SLC2A14: variants seen among roughly 807,000 people sequenced by gnomAD.
The protein encoded by SLC2A14 is solute carrier family 2 member 14.
A neutral mutation model predicts 43.0 loss-of-function variants in SLC2A14; 13 were observed. That is an observed-to-expected ratio of 0.30 (90% CI 0.20 to 0.48). The LOEUF is 0.48. SLC2A14 is among the 20% of genes least tolerant of loss of function. The probability of loss-of-function intolerance (pLI) is 0.99; values close to 1 mark genes in which losing one functional copy is unlikely to be tolerated. For synonymous variants in SLC2A14, 190 were observed against 233.8 expected, an observed-to-expected ratio of 0.81 and a Z score of 1.71; for missense variants, 428 against 620.4, an observed-to-expected ratio of 0.69 and a Z score of 3.29.
At chr12:7,828,092 G>A (rs147424931) in intron 6 of SLC2A14, among the ~76,000 whole-genome samples, 133 of 151,974 alleles carry the variant, frequency 8.8e-4, no homozygotes, top group African/African-American at 2.8e-3. Flanking sequence ...GGTTGGGCGC[G>A]GTGGCTCACA....
At chr12:7,856,633 G>T (rs769520355) in intron 2 of SLC2A14, among the ~76,000 whole-genome samples, 5 of 152,080 alleles carry the variant, frequency 3.3e-5, no homozygotes, top group East Asian at 1.9e-4. Context: ...ACTATTGACG[G>T]CATCGATGGA....
chr12:7,864,852 G>A (rs1049976510), intron 2 of SLC2A14, among the ~76,000 whole-genome samples: 3 of 152,072 alleles, frequency 2.0e-5, no homozygotes, highest in African/African-American at 7.2e-5. Flanking sequence ...ATTTTCATAT[G>A]CCTTTCCCTC....
chr12:7,816,206 G>A lies in SLC2A14; in HGVS notation c.1275+1625C>T, dbSNP rs1388763772. Among the ~76,000 whole-genome samples, 25 of 109,818 alleles carry A rather than the reference G, an allele frequency of 2.3e-4. 5 individuals are homozygous for A. Among genetic ancestry groups the A allele is most frequent in the Admixed American group, 3.2e-4 (3 of 9,328 alleles). The allele number at this position is 109,818 out of a possible 152,430, so 72.0% of individuals were successfully genotyped here. A position where few individuals can be genotyped will look rare whatever the true frequency, so the allele number is the denominator to read the frequency against. ...TGCAAGCTCCGCTTCCCGGGTTCAC[G>A]CCATTCTCCTGCCTCAGCCTCCCGA... On this transcript the variant is annotated intron_variant, in intron 10 of 10. Coordinates refer to ENST00000431042, the MANE Select transcript of SLC2A14 (RefSeq NM_001286234.2).
At chr12:7,888,797 C>CAAAAAAAA (rs138233883) in intron 1 of SLC2A14, among the ~76,000 whole-genome samples, 4 of 104,334 alleles carry the variant, frequency 3.8e-5, no homozygotes, top group Admixed American at 1.2e-4. Flanking sequence ...GACTCCGTCT[C>CAAAAAAAA]AAAAAAAAAA....
intron 2 of SLC2A14, among the ~76,000 whole-genome samples, chr12:7,848,046 C>A (rs1235291429): frequency 2.6e-5 from 4 of 152,086 alleles, no homozygotes; most frequent in African/African-American, 9.7e-5. Flanking sequence ...GGTCAGATGA[C>A]AAACCCAATT....
At chr12:7,873,931 C>T (rs1945362543), upstream of SLC2A14, among the ~76,000 whole-genome samples, 1 of 152,038 alleles carries the variant, frequency 6.6e-6, no homozygotes, top group Non-Finnish European at 1.5e-5. Flanking sequence ...ACAGCATGGC[C>T]TTCAGTACAG....
Position 7,830,666 on chromosome 12 carries a change from C to T in SLC2A14, c.273-660G>A, listed in dbSNP as rs115882879. ...CAGAGGGAGGGCAGAGGGGGAAGAA[C>T]ATTAGCAAGTAAAATAGGTTGCCTT... On this transcript the variant is annotated intron_variant, in intron 4 of 10. Coordinates refer to ENST00000431042, the MANE Select transcript of SLC2A14 (RefSeq NM_001286234.2). Among the ~76,000 whole-genome samples the T allele has an allele frequency of 1.7e-3, 265 of 152,032 alleles. 3 individuals carry two copies. The highest frequency in any genetic ancestry group is 6.1e-3 in the African/African-American group (252 of 41,480).
intron 2 of SLC2A14, among the ~76,000 whole-genome samples, chr12:7,854,443 T>C (rs1867187241): frequency 2.0e-5 from 3 of 152,132 alleles, no homozygotes; most frequent in Non-Finnish European, 4.4e-5. Flanking sequence ...ACTGAAGTAG[T>C]CTCCTAATGA....
chr12:7,845,425 T>C lies in SLC2A14; in HGVS notation c.19-12611A>G, dbSNP rs1192016038. 3.3e-5 allele frequency among the ~76,000 whole-genome samples: 5 copies of C among 152,138 alleles called. No homozygotes were observed. The East Asian group carries it at 9.6e-4, about 29-fold the overall frequency. On this transcript the variant is annotated intron_variant, in intron 2 of 10. Coordinates refer to ENST00000431042, the MANE Select transcript of SLC2A14 (RefSeq NM_001286234.2). ...TGACTTCGGAAATCATCTAGACTAGTGCTACTCAAATTGTGGTCCGGGGAC... is the reference window on the plus strand; with the variant it reads ...TGACTTCGGAAATCATCTAGACTAGCGCTACTCAAATTGTGGTCCGGGGAC...
chr12:7,862,851 G>C lies in SLC2A14; in HGVS notation c.18+7012C>G, dbSNP rs1372740313. On this transcript the variant is annotated intron_variant, in intron 2 of 10. Coordinates refer to ENST00000431042, the MANE Select transcript of SLC2A14 (RefSeq NM_001286234.2). ...TGGAGAATCTGTGTGTGGAAACTCT[G>C]TATCTAACTAATCTGATGGGCACGT... is the stretch of plus-strand genomic sequence containing the variant. 2.6e-5 allele frequency among the ~76,000 whole-genome samples: 4 copies of C among 152,188 alleles called. No homozygotes were observed. In the East Asian group the frequency reaches 7.7e-4, roughly 29 times the overall value.
chr12:7,872,720 A>G, intron 1 of SLC2A14, 87 bp downstream of exon 1: 2 of 948,814 alleles, frequency 2.1e-6, no homozygotes, highest in Non-Finnish European at 2.5e-6. Flanking sequence ...GTAGCCGCCC[A>G]CCTCTACTCT....
chr12:7,814,289 C>G lies in SLC2A14; in HGVS notation c.*27G>C, dbSNP rs754867022. On this transcript the variant is annotated 3_prime_UTR_variant, in exon 11 of 11. Transcript: ENST00000431042. ...TGAGGGAGAGGTGGCTTTCCCATGC[C>G]GGGAGGGAGGTGGAAGGAGGCATGA... 2 of 1,533,584 alleles carry G rather than the reference C, an allele frequency of 1.3e-6. No homozygotes were observed. Among genetic ancestry groups the G allele is most frequent in the East Asian group, 2.2e-5 (1 of 44,582 alleles). The allele number at this position is 1,533,584 out of a possible 1,614,324, so 95.0% of individuals were successfully genotyped here.
intron 1 of SLC2A14, chr12:7,871,069 G>A: frequency 7.2e-7 from 1 of 1,393,984 alleles, no homozygotes; most frequent in Non-Finnish European, 9.6e-7. Context: ...ATACCTGCAG[G>A]GCATGATGAG....
intron 1 of SLC2A14, chr12:7,871,925 G>A (rs1945256667): frequency 1.0e-6 from 1 of 984,006 alleles, no homozygotes; most frequent in Non-Finnish European, 1.2e-6. Flanking sequence ...CTGTCCCAGG[G>A]GAGGCAGAAT....
intron 2 of SLC2A14, among the ~76,000 whole-genome samples, chr12:7,843,319 T>A (rs151237132): frequency 4.3e-5 from 6 of 139,536 alleles, no homozygotes; most frequent in Non-Finnish European, 3.2e-5. Flanking sequence ...AGGGGCACGC[T>A]GTAATGAGTG....
intron 1 of SLC2A14, among the ~76,000 whole-genome samples, chr12:7,870,138 T>C (rs1027176888): frequency 1.3e-5 from 2 of 152,132 alleles, no homozygotes; most frequent in African/African-American, 4.8e-5. Flanking sequence ...ACTCATTCAG[T>C]AGCCATTGAG....
intron 1 of SLC2A14, among the ~76,000 whole-genome samples, chr12:7,887,350 C>T (rs947187927): frequency 1.3e-5 from 2 of 151,940 alleles, no homozygotes; most frequent in African/African-American, 4.8e-5. Context: ...AAAACAGATT[C>T]CTGATCCCTA....
intron 2 of SLC2A14, among the ~76,000 whole-genome samples, chr12:7,849,268 C>T (rs549990617): frequency 1.3e-5 from 2 of 151,114 alleles, no homozygotes; most frequent in Non-Finnish European, 1.5e-5. Context: ...TTTGGAAGAT[C>T]GAGGTGGGAG....
At chr12:7,830,108 A>G (rs1012369785) in intron 4 of SLC2A14, 102 bp from the exon 5 acceptor site, 2 of 1,421,354 alleles carry the variant, frequency 1.4e-6, no homozygotes, top group Non-Finnish European at 9.4e-7. Flanking sequence ...GCTTATATCA[A>G]CTCCTTTTTT....
Sources: allele counts gnomAD v4.1 joint callset (sites outside exome capture counted in the v4.1 genomes callset), GRCh38; gene constraint gnomAD v4.1.1; transcripts MANE v1.5; gene names NCBI Gene and HGNC (gene_info 2026-07-23, HGNC 2026-07-21).